RIT2: variants seen among roughly 807,000 people sequenced by gnomAD.
The protein encoded by RIT2 is Ras like without CAAX 2.
Under a neutral mutation model 23.7 loss-of-function variants are expected in RIT2, and 24 were observed. That is an observed-to-expected ratio of 1.01 (90% CI 0.73 to 1.43). The LOEUF is 1.43. Among genes scored for constraint, RIT2 ranks in the 40% most tolerant of loss-of-function variants. The pLI is 0.00. For missense variants in RIT2, 236 were observed against 266.9 expected (o/e 0.88, Z 0.81); for synonymous variants, 107 against 91.1 (o/e 1.17, Z -0.99).
intron 2 of RIT2, among the ~76,000 whole-genome samples, chr18:43,007,176 A>G (rs1333874336): frequency 6.6e-6 from 1 of 151,694 alleles, no homozygotes; most frequent in Non-Finnish European, 1.5e-5. Flanking sequence ...GGAACTTCAG[A>G]TGACTCACAT....
intron 3 of RIT2, among the ~76,000 whole-genome samples, chr18:42,963,303 A>C (rs1910134284): frequency 6.6e-6 from 1 of 152,220 alleles, no homozygotes; most frequent in South Asian, 2.1e-4. Flanking sequence ...TTACTTAATT[A>C]AGAACCACCT....
chr18:43,053,510 T>A (rs1373480856), intron 1 of RIT2, among the ~76,000 whole-genome samples: 1 of 152,066 alleles, frequency 6.6e-6, no homozygotes, highest in East Asian at 1.9e-4. Context: ...AAGGAAAAAC[T>A]AAGCGTAATG....
intron 3 of RIT2, among the ~76,000 whole-genome samples, chr18:42,931,441 C>T (rs1909322137): frequency 6.6e-6 from 1 of 152,100 alleles, no homozygotes; most frequent in Non-Finnish European, 1.5e-5. Context: ...TTCCTTATTT[C>T]ATTCTCTAGC....
At chr18:42,961,627 T>C (rs1910095435) in intron 3 of RIT2, among the ~76,000 whole-genome samples, 1 of 152,206 alleles carries the variant, frequency 6.6e-6, no homozygotes, top group Admixed American at 6.5e-5. Context: ...ATAATCACAT[T>C]GATCCATTGT....
chr18:43,014,501 C>CAT (rs1360916293), intron 2 of RIT2, among the ~76,000 whole-genome samples: 9 of 151,562 alleles, frequency 5.9e-5, no homozygotes, highest in African/African-American at 1.7e-4. Context: ...TGCATGTGAA[C>CAT]ATATGATCAT....
intron 3 of RIT2, among the ~76,000 whole-genome samples, chr18:42,967,539 T>C (rs1910262617): frequency 1.1e-5 from 1 of 90,484 alleles, no homozygotes; most frequent in Non-Finnish European, 2.3e-5. Flanking sequence ...CCGGCTAATT[T>C]TTTTTTTTTT....
chr18:43,075,286 G>A (rs983416400), intron 1 of RIT2, among the ~76,000 whole-genome samples: 1 of 151,964 alleles, frequency 6.6e-6, no homozygotes, highest in Non-Finnish European at 1.5e-5. Context: ...ATAAAAATCA[G>A]TTTTTTCACA....
intron 4 of RIT2, among the ~76,000 whole-genome samples, chr18:42,758,509 G>GTTTTAT (rs1555635797): frequency 3.7e-5 from 5 of 135,358 alleles, no homozygotes; most frequent in East Asian, 2.1e-4. Context: ...GATAACCCTT[G>GTTTTAT]TTTTATTTTT....
chr18:42,941,437 A>G (rs1909597791), intron 3 of RIT2, among the ~76,000 whole-genome samples: 1 of 151,918 alleles, frequency 6.6e-6, no homozygotes, highest in Non-Finnish European at 1.5e-5. Context: ...TCTGTTTTCC[A>G]GGAGGGATGA....
chr18:43,082,725 CA>C (rs201443090), intron 1 of RIT2, among the ~76,000 whole-genome samples: 74 of 151,754 alleles, frequency 4.9e-4, no homozygotes, highest in Middle Eastern at 6.9e-3. Context: ...ATTGATGGAA[CA>C]TATCTCAAAA....
At chr18:43,028,514 T>A (rs1911783435) in intron 2 of RIT2, among the ~76,000 whole-genome samples, 1 of 152,024 alleles carries the variant, frequency 6.6e-6, no homozygotes, top group Non-Finnish European at 1.5e-5. Flanking sequence ...CGAATTTAAT[T>A]AGTTTCATAC....
intron 4 of RIT2, among the ~76,000 whole-genome samples, chr18:42,894,064 C>A (rs970805012): frequency 6.6e-6 from 1 of 152,180 alleles, no homozygotes; most frequent in Non-Finnish European, 1.5e-5. Context: ...TATGTCAGAA[C>A]GCTGATGGCG....
chr18:43,010,959 T>C (rs984336427), intron 2 of RIT2, among the ~76,000 whole-genome samples: 1 of 151,662 alleles, frequency 6.6e-6, no homozygotes, highest in African/African-American at 2.4e-5. Context: ...CCTAAATAGG[T>C]AGAAAGAGTC....
intron 1 of RIT2, among the ~76,000 whole-genome samples, chr18:43,041,615 GAC>G (rs1912130399): frequency 6.6e-6 from 1 of 152,102 alleles, no homozygotes; most frequent in Admixed American, 6.5e-5. Context: ...TGGCAGTGGT[GAC>G]AGATTAAAAA....
At chr18:42,900,089 TAG>T (rs1433394571) in intron 4 of RIT2, among the ~76,000 whole-genome samples, 1 of 152,066 alleles carries the variant, frequency 6.6e-6, no homozygotes, top group Non-Finnish European at 1.5e-5. Context: ...TAATGTCAAT[TAG>T]AACTTAGAGT....
intron 3 of RIT2, chr18:42,949,113 C>T (rs1363680796): frequency 7.6e-6 from 3 of 397,066 alleles, no homozygotes; most frequent in Admixed American, 8.8e-5. Flanking sequence ...TAATTAGATG[C>T]CCTGCCACAT....
At chr18:43,085,602 T>C (rs747512900) in intron 1 of RIT2, among the ~76,000 whole-genome samples, 7 of 152,158 alleles carry the variant, frequency 4.6e-5, no homozygotes, top group Non-Finnish European at 1.0e-4. Context: ...TATTTGTCTT[T>C]CTGTGTTTGG....
chr18:42,841,223 A>G (rs78157171), intron 4 of RIT2, among the ~76,000 whole-genome samples: 1,998 of 152,308 alleles, frequency 0.013, 52 homozygotes, highest in African/African-American at 0.046. Flanking sequence ...GGTATATCAG[A>G]TAAGCTAACA....
chr18:42,937,579 G>T (rs565367237), intron 3 of RIT2, among the ~76,000 whole-genome samples: 2 of 152,264 alleles, frequency 1.3e-5, no homozygotes, highest in Non-Finnish European at 2.9e-5. Context: ...GAAAAAAGGA[G>T]ATGTGCTCTG....
Sources: gnomAD v4.1 joint callset for allele counts (sites outside exome capture counted in the v4.1 genomes callset) on GRCh38, gnomAD v4.1.1 for gene constraint, MANE v1.5 for transcripts, NCBI Gene and HGNC (gene_info 2026-07-23, HGNC 2026-07-21) for gene names.